Variants in NFIX observed in about 807,000 individuals in gnomAD.
NFIX encodes nuclear factor I X, also known as nuclear factor 1 X-type.
In NFIX, 2 loss-of-function variants were observed where a neutral mutation model predicts 53.3. That is an observed-to-expected ratio of 0.04 (90% CI 0.02 to 0.12). The LOEUF (loss-of-function observed/expected upper bound fraction) is 0.12. Ranked by LOEUF, NFIX falls within the 10% of genes least tolerant of loss-of-function variation. NFIX has a pLI of 1.00. For missense variants in NFIX, 310 were observed against 674.5 expected (o/e 0.46, Z 5.99); for synonymous variants, 244 against 289.0 (o/e 0.84, Z 1.58).
intron 1 of NFIX, chr19:13,024,708 G>C (rs1267080418): frequency 6.5e-7 from 1 of 1,536,210 alleles, no homozygotes; most frequent in Non-Finnish European, 8.7e-7. Flanking sequence ...AACGTTGTCT[G>C]TGCGCGTGTG....
chr19:13,006,159 G>T lies in NFIX; in HGVS notation c.27+10295G>T, dbSNP rs1300244425. On this transcript the variant is annotated intron_variant, in intron 1 of 10. Transcript: ENST00000592199. This position sits in a 1 kb window ranked among gnomAD's most constrained non-coding sequence, Gnocchi z 5.6. ...GAGATGGCGCTAGGTGCTGTGGGAA[G>T]AACAGAGCTGGCCGGGCCCTCGGGA... is the stretch of plus-strand genomic sequence containing the variant. 6.6e-6 allele frequency among the ~76,000 whole-genome samples: 1 copy of T among 152,210 alleles called. No individual in the cohort carries two copies. The highest frequency in any genetic ancestry group is 1.5e-5 in the Non-Finnish European group (1 of 68,032).
At chr19:13,057,663 A>G (rs2015797559) in intron 2 of NFIX, among the ~76,000 whole-genome samples, 3 of 152,126 alleles carry the variant, frequency 2.0e-5, no homozygotes, top group Admixed American at 1.3e-4. Flanking sequence ...CAGGATAAGA[A>G]TGTCAGAAAC....
rs948203057 is a variant in NFIX, at chr19:13,001,549, G to A, written c.27+5685G>A. On this transcript the variant is annotated intron_variant, in intron 1 of 10. Transcript: ENST00000592199. The surrounding 1 kb of genome is among the most constrained non-coding windows in gnomAD (Gnocchi z 6.5). ...GGGTGACAGTGTCCCAGCGACATGC[G>A]TCACATCTACAGCAGTGTTTTTCTG... Among the ~76,000 whole-genome samples the A allele has an allele frequency of 2.0e-5, 3 of 152,138 alleles. No homozygotes were observed. The highest frequency in any genetic ancestry group is 7.2e-5 in the African/African-American group (3 of 41,426).
At chr19:13,038,781 G>A (rs924009452) in intron 2 of NFIX, among the ~76,000 whole-genome samples, 3 of 152,232 alleles carry the variant, frequency 2.0e-5, no homozygotes, top group African/African-American at 4.8e-5. Context: ...GCCCACAGAT[G>A]AAGGCCAGGA....
intron 2 of NFIX, among the ~76,000 whole-genome samples, chr19:13,029,344 A>G (rs1449621239): frequency 6.6e-6 from 1 of 152,220 alleles, no homozygotes; most frequent in African/African-American, 2.4e-5. Flanking sequence ...TTTTAGTATC[A>G]TCAGATACTG....
chr19:13,057,528 G>T (rs1454591872), intron 2 of NFIX, among the ~76,000 whole-genome samples: 1 of 152,048 alleles, frequency 6.6e-6, no homozygotes, highest in African/African-American at 2.4e-5. Flanking sequence ...CCCAGCCTCG[G>T]CTCCCCAGGG....
chr19:13,028,319 G>A lies in NFIX; in HGVS notation c.559+2767G>A, dbSNP rs1452454537. On this transcript the variant is annotated intron_variant, in intron 2 of 10. Coordinates refer to ENST00000592199, the MANE Select transcript of NFIX (RefSeq NM_001365902.3). This position sits in a 1 kb window ranked among gnomAD's most constrained non-coding sequence, Gnocchi z 4.2. ...AGAGCTGCTTTGGACTCTGAAATAA[G>A]TGTTTTTCCTTTTCTTAAGACAGGG... Among the ~76,000 whole-genome samples the A allele has an allele frequency of 6.6e-6, 1 of 152,194 alleles. No individual in the cohort carries two copies. The highest frequency in any genetic ancestry group is 1.5e-5 in the Non-Finnish European group (1 of 68,042).
intron 2 of NFIX, among the ~76,000 whole-genome samples, chr19:13,030,291 A>G (rs144594110): frequency 6.6e-6 from 1 of 152,338 alleles, no homozygotes; most frequent in African/African-American, 2.4e-5. Flanking sequence ...TTTGGTTGTA[A>G]AATTCTTCCA....
chr19:13,059,535 G>A (rs574174561), intron 2 of NFIX, among the ~76,000 whole-genome samples: 1 of 152,196 alleles, frequency 6.6e-6, no homozygotes, highest in Non-Finnish European at 1.5e-5. Context: ...GTTTTCTGCT[G>A]CCCATTCTTG....
intron 2 of NFIX, among the ~76,000 whole-genome samples, chr19:13,035,014 G>A (rs894768200): frequency 3.3e-5 from 5 of 152,080 alleles, no homozygotes; most frequent in African/African-American, 7.2e-5. Flanking sequence ...GCCTTGACCC[G>A]CTAGAAATCA....
At chr19:13,079,470 T>C (rs2017327230) in intron 7 of NFIX, among the ~76,000 whole-genome samples, 2 of 152,196 alleles carry the variant, frequency 1.3e-5, no homozygotes, top group Admixed American at 6.5e-5. Context: ...CTTCACTTTC[T>C]TCTTCCCTCT....
chr19:13,035,071 C>T (rs1010081081), intron 2 of NFIX, among the ~76,000 whole-genome samples: 4 of 152,196 alleles, frequency 2.6e-5, no homozygotes, highest in Admixed American at 2.6e-4. Flanking sequence ...TATCTCCAGA[C>T]ATTTCTAAGA....
chr19:13,083,188 C>G (rs183073675), intron 8 of NFIX, among the ~76,000 whole-genome samples: 15 of 152,324 alleles, frequency 9.8e-5, no homozygotes, highest in African/African-American at 3.6e-4. Flanking sequence ...GAGGGAAGAG[C>G]AGACCTGACC....
At chr19:13,086,361 C>T (rs1480867483) in intron 8 of NFIX, among the ~76,000 whole-genome samples, 1 of 152,196 alleles carries the variant, frequency 6.6e-6, no homozygotes, top group African/African-American at 2.4e-5. Flanking sequence ...AGAATCCTAG[C>T]ATCCCTGGAG....
At chr19:13,077,131 C>T (rs1312628082) in intron 6 of NFIX, among the ~76,000 whole-genome samples, 1 of 152,102 alleles carries the variant, frequency 6.6e-6, no homozygotes, top group Non-Finnish European at 1.5e-5. Context: ...AAGGACTGCC[C>T]CTGGGGTGCA....
intron 2 of NFIX, among the ~76,000 whole-genome samples, chr19:13,031,050 G>C (rs16978857): frequency 0.032 from 4,872 of 152,324 alleles, 177 homozygotes; most frequent in African/African-American, 0.09. Flanking sequence ...TCAGAGCGGG[G>C]CATGACCCCA....
intron 8 of NFIX, among the ~76,000 whole-genome samples, chr19:13,083,105 C>T (rs1326447884): frequency 1.3e-5 from 2 of 152,224 alleles, no homozygotes; most frequent in African/African-American, 4.8e-5. Flanking sequence ...TTGGCTGACT[C>T]TGCAGCTCCT....
intron 1 of NFIX, among the ~76,000 whole-genome samples, chr19:13,015,713 G>A (rs1470540916): frequency 1.3e-5 from 2 of 152,052 alleles, no homozygotes; most frequent in African/African-American, 4.8e-5. Context: ...CCCCATACAT[G>A]CCCTGTTAGT....
At chr19:13,065,783 G>A (rs1007939530) in intron 2 of NFIX, among the ~76,000 whole-genome samples, 1 of 152,158 alleles carries the variant, frequency 6.6e-6, no homozygotes, top group Non-Finnish European at 1.5e-5. Context: ...AGTTCTCCCT[G>A]GGCTGGGGAC....
Sources: gnomAD v4.1 joint callset for allele counts (sites outside exome capture counted in the v4.1 genomes callset) on GRCh38, gnomAD v4.1.1 for gene constraint, Gnocchi (gnomAD v3.1) non-coding constraint, MANE v1.5 for transcripts, NCBI Gene and HGNC (gene_info 2026-07-23, HGNC 2026-07-21) for gene names.